The following PKIA variants were observed in gnomAD, a reference collection of about 807,000 sequenced individuals.
PKIA encodes PKI-alpha.
PKIA carries 4 observed loss-of-function variants against 7.6 expected under a neutral mutation model. The observed-to-expected ratio is 0.52, with a 90% CI of 0.26 to 1.20. The LOEUF is 1.20. PKIA is among the 50% of genes most tolerant of loss of function. The probability of loss-of-function intolerance (pLI) is 0.13; values close to 1 mark genes in which losing one functional copy is unlikely to be tolerated. For missense variants in PKIA, 73 were observed against 86.2 expected (o/e 0.85, Z 0.61); for synonymous variants, 21 against 30.7 (o/e 0.68, Z 1.04).
At chr8:78,521,721 T>TC (rs1337465938) in intron 1 of PKIA, among the ~76,000 whole-genome samples, 1 of 152,004 alleles carries the variant, frequency 6.6e-6, no homozygotes, top group Non-Finnish European at 1.5e-5. Context: ...AAATTTTTTT[T>TC]CTGGTAAAAT....
chr8:78,533,843 T>C (rs1038762550), intron 1 of PKIA: 1 of 151,526 alleles, frequency 6.6e-6, no homozygotes, highest in African/African-American at 2.4e-5. Flanking sequence ...AAACAAACAA[T>C]ACAAAGCAAA....
intron 3 of PKIA, among the ~76,000 whole-genome samples, chr8:78,600,481 C>CA (rs1268569187): frequency 1.3e-5 from 2 of 152,084 alleles, no homozygotes; most frequent in East Asian, 3.9e-4. Context: ...GAGTCAAGTT[C>CA]CTCATCTTGT....
intron 1 of PKIA, among the ~76,000 whole-genome samples, chr8:78,544,328 T>C (rs1320403479): frequency 6.6e-6 from 1 of 152,186 alleles, no homozygotes; most frequent in African/African-American, 2.4e-5. Context: ...GGTACTCTCT[T>C]TGCCTGAAGT....
At chr8:78,562,580 T>A (rs1807310729) in intron 1 of PKIA, among the ~76,000 whole-genome samples, 1 of 152,176 alleles carries the variant, frequency 6.6e-6, no homozygotes, top group African/African-American at 2.4e-5. Context: ...AGCAAGCTTG[T>A]AGCTATCACG....
chr8:78,571,723 A>G (rs1305956591), intron 1 of PKIA, among the ~76,000 whole-genome samples: 2 of 152,008 alleles, frequency 1.3e-5, no homozygotes, highest in East Asian at 1.9e-4. Context: ...ACTTTCCAGG[A>G]ACAGTTTGAA....
intron 2 of PKIA, among the ~76,000 whole-genome samples, chr8:78,595,575 C>G (rs1048306347): frequency 1.3e-5 from 2 of 152,146 alleles, no homozygotes; most frequent in Non-Finnish European, 2.9e-5. Flanking sequence ...TTGATCCTCA[C>G]CCTCCTCCCA....
Position 78,582,749 on chromosome 8 carries a change from A to T in PKIA, c.-28+9810A>T, listed in dbSNP as rs1275844758. Among the ~76,000 whole-genome samples, 3 of 152,298 alleles carry T rather than the reference A, an allele frequency of 2.0e-5. No homozygotes were observed. The Middle Eastern group carries it at 0.01, about 518-fold the overall frequency. On this transcript the variant is annotated intron_variant, in intron 2 of 3. Transcript: ENST00000396418. ...ATTGGAATAAATGGGCATGAAATTCATAAGAAAAAACAGATCATAAGGAAC... is the reference window on the plus strand; with the variant it reads ...ATTGGAATAAATGGGCATGAAATTCTTAAGAAAAAACAGATCATAAGGAAC...
At chr8:78,589,608 G>A (rs1808043644) in intron 2 of PKIA, among the ~76,000 whole-genome samples, 1 of 152,152 alleles carries the variant, frequency 6.6e-6, no homozygotes, top group Non-Finnish European at 1.5e-5. Context: ...GGGGTGGGCA[G>A]GGAACTGCTG....
At chr8:78,522,845 C>A (rs540844165) in intron 1 of PKIA, among the ~76,000 whole-genome samples, 76 of 152,014 alleles carry the variant, frequency 5.0e-4, no homozygotes, top group Middle Eastern at 6.8e-3. Context: ...TATGTACCTA[C>A]ATTATGGTAA....
intron 2 of PKIA, among the ~76,000 whole-genome samples, chr8:78,590,313 G>A (rs1808064207): frequency 6.6e-6 from 1 of 150,748 alleles, no homozygotes; most frequent in Admixed American, 6.6e-5. Flanking sequence ...GAAAAAAATT[G>A]CGTGGACAAA....
chr8:78,553,737 ATT>A (rs10706008), intron 1 of PKIA, among the ~76,000 whole-genome samples: 1,816 of 140,876 alleles, frequency 0.013, 10 homozygotes, highest in South Asian at 0.034. Context: ...AAACAACTGG[ATT>A]TTTTTTTTTT....
intron 2 of PKIA, among the ~76,000 whole-genome samples, chr8:78,585,467 T>C (rs1265472910): frequency 1.3e-5 from 2 of 152,076 alleles, no homozygotes; most frequent in African/African-American, 4.8e-5. Flanking sequence ...AGCATTCCAT[T>C]AATAAAAAGA....
intron 1 of PKIA, among the ~76,000 whole-genome samples, chr8:78,556,907 T>C (rs1434153058): frequency 6.6e-6 from 1 of 152,156 alleles, no homozygotes; most frequent in African/African-American, 2.4e-5. Context: ...TTTGCCACTC[T>C]TTGCTTTCTG....
At chr8:78,516,547 G>C (rs1237099741) in intron 1 of PKIA, 79 bp downstream of exon 1, 2 of 152,544 alleles carry the variant, frequency 1.3e-5, no homozygotes, top group Non-Finnish European at 2.9e-5. Context: ...TTTGCAGCAC[G>C]GAGGGAAGAA....
chr8:78,557,162 G>T (rs755386709), intron 1 of PKIA, among the ~76,000 whole-genome samples: 2 of 152,012 alleles, frequency 1.3e-5, no homozygotes, highest in Admixed American at 1.3e-4. Context: ...TGAATGTGAC[G>T]CCAATTAATA....
chr8:78,534,189 G>C (rs1170553832), intron 1 of PKIA: 1 of 152,034 alleles, frequency 6.6e-6, no homozygotes, highest in East Asian at 1.9e-4. Context: ...AATTTCAAGA[G>C]TTTCCCATCA....
At chr8:78,541,338 A>T (rs1057387420) in intron 1 of PKIA, among the ~76,000 whole-genome samples, 8 of 152,102 alleles carry the variant, frequency 5.3e-5, no homozygotes, top group African/African-American at 1.9e-4. Flanking sequence ...CTTAATCATG[A>T]AGCTAAACCC....
intron 2 of PKIA, among the ~76,000 whole-genome samples, chr8:78,588,372 C>T (rs570774407): frequency 4.0e-3 from 602 of 152,160 alleles, no homozygotes; most frequent in African/African-American, 0.014. Flanking sequence ...CCCAGCTACT[C>T]AGGAGGCTGA....
intron 1 of PKIA, chr8:78,534,060 A>C (rs1457002098): frequency 6.6e-6 from 1 of 152,186 alleles, no homozygotes; most frequent in Non-Finnish European, 1.5e-5. Flanking sequence ...AATAGTAATT[A>C]TCCAACTTTA....
Sources: allele counts gnomAD v4.1 joint callset (sites outside exome capture counted in the v4.1 genomes callset), GRCh38; gene constraint gnomAD v4.1.1; transcripts MANE v1.5; gene names NCBI Gene and HGNC (gene_info 2026-07-23, HGNC 2026-07-21).